ZRSR2: variants seen among roughly 807,000 people sequenced by gnomAD.
ZRSR2 encodes U2 small nuclear ribonucleoprotein auxiliary factor 35 kDa subunit-related protein 2.
ZRSR2 carries 3 observed loss-of-function variants against 39.4 expected under a neutral mutation model. The ratio of observed to expected loss-of-function variants is 0.08; its 90% confidence interval spans 0.03 to 0.20. ZRSR2 has a LOEUF of 0.20. Among genes scored for constraint, ZRSR2 ranks in the 10% least tolerant of loss-of-function variants. The pLI, the probability that ZRSR2 is intolerant of heterozygous loss-of-function variation, is 1.00. For synonymous variants in ZRSR2, 137 were observed against 136.0 expected, an observed-to-expected ratio of 1.01 and a Z score of -0.05; for missense variants, 256 against 391.5, an observed-to-expected ratio of 0.65 and a Z score of 2.92.
In ZRSR2 at chrX:15,820,082, C is replaced by T. The variant is rs73635835; in HGVS notation, c.828-125C>T. On this transcript the variant is annotated intron_variant, in intron 9 of 10. Transcript: ENST00000307771. ...GCTTGACCATTTTAATGACTCTTCC[C>T]TAGGTACAAAATCAGTGAACTTGGT... 2,638 of 607,387 alleles carry T rather than the reference C, an allele frequency of 4.3e-3. 50 individuals are homozygous for T. The African/African-American group carries it at 0.054, about 12-fold the overall frequency. The allele number at this position is 607,387 out of a possible 1,213,427, so 50.1% of individuals were successfully genotyped here.
chrX:15,790,946 C>T lies in ZRSR2; in HGVS notation c.54C>T (p.Tyr18=). The T allele has an allele frequency of 8.3e-7, 1 of 1,210,867 alleles. No homozygotes were observed. The highest frequency in any genetic ancestry group is 1.1e-6 in the Non-Finnish European group (1 of 894,942). The change falls in exon 2 of 11, where the codon TAC becomes TAT. Residue 18 remains tyrosine (Y), a synonymous_variant. Coordinates refer to ENST00000307771, the MANE Select transcript of ZRSR2 (RefSeq NM_005089.4). ...TFPEKPSHKK[Y]RAALKKEKRK... ...CTTAATCTTCCAGCCACAAAAAGTA[C>T]AGGGCCGCCCTGAAGAAGGAGAAAC...
chrX:15,812,166 TG>T (rs1932896223), intron 7 of ZRSR2, among the ~76,000 whole-genome samples: 1 of 111,352 alleles, frequency 9.0e-6, no homozygotes, highest in Non-Finnish European at 1.9e-5. Flanking sequence ...CCTGACCTTG[TG>T]ATCCGCCCGC....
chrX:15,813,230 C>A (rs1178080801), intron 7 of ZRSR2, among the ~76,000 whole-genome samples: 1 of 112,077 alleles, frequency 8.9e-6, no homozygotes, highest in Non-Finnish European at 1.9e-5. Context: ...TGGGTTTTTG[C>A]AGCAAACTGA....
chrX:15,795,735 G>A (rs139375995), intron 2 of ZRSR2, among the ~76,000 whole-genome samples: 1 of 111,587 alleles, frequency 9.0e-6, no homozygotes, highest in African/African-American at 3.3e-5. Flanking sequence ...GAGTTAGCCT[G>A]TCTCTTTTTG....
At chrX:15,801,316 C>T (rs1355484209) in intron 3 of ZRSR2, 5 of 250,540 alleles carry the variant, frequency 2.0e-5, no homozygotes, top group Admixed American at 4.1e-5. Flanking sequence ...GCAACCTCCA[C>T]CTCCCAGGTT....
At chrX:15,795,367 C>T (rs1301166753) in intron 2 of ZRSR2, among the ~76,000 whole-genome samples, 2 of 110,943 alleles carry the variant, frequency 1.8e-5, no homozygotes, top group Non-Finnish European at 3.8e-5. Context: ...GAGGTTCTTA[C>T]GACCCCCTGG....
intron 2 of ZRSR2, among the ~76,000 whole-genome samples, chrX:15,792,514 G>A (rs1932316644): frequency 8.9e-6 from 1 of 112,404 alleles, no homozygotes; most frequent in Non-Finnish European, 1.9e-5. Flanking sequence ...ATCAGGTAAT[G>A]CTAGGGATGA....
rs1487385841 is a variant in ZRSR2 at position 15,796,783 on chromosome X, CGTTTTT to C, written c.122-3088_122-3083del. ...AGTCAGAGATCATTTTGTTTCAAATCGTTTTTTTTTTTTTTTTTTTTTTTTTTTGAG... is the reference window on the plus strand; with the variant it reads ...AGTCAGAGATCATTTTGTTTCAAATCTTTTTTTTTTTTTTTTTTTTTTGAG... On this transcript the variant is annotated intron_variant, in intron 2 of 10. Transcript: ENST00000307771. 2.0e-3 allele frequency among the ~76,000 whole-genome samples: 89 copies of C among 45,230 alleles called. 1 individual carries two copies. Among genetic ancestry groups the C allele is most frequent in the African/African-American group, 7.3e-3 (85 of 11,677 alleles). 39.3% of individuals were successfully genotyped at this position (45,230 alleles called of 115,157 possible).
In ZRSR2 at chrX:15,822,940, C is replaced by G. The variant is rs61741680; in HGVS notation, c.1147C>G (p.Pro383Ala). Residue 383 changes from proline (P) to alanine (A), a missense_variant, in exon 11 of 11, where the codon CCT becomes GCT. This residue lies in a region of ZRSR2 where 111 missense variants were observed against 116.7 expected (regional missense o/e 0.95). Coordinates refer to ENST00000307771, the MANE Select transcript of ZRSR2 (RefSeq NM_005089.4). The part of the protein sequence containing the change: ...YYSRLRGRRN[P>A]SPDHSYKRNG... ...CAGCAGGCTGCGGGGAAGGAGAAAC[C>G]CTAGTCCAGACCACTCCTACAAAAG... 1.6e-3 allele frequency: 1,892 copies of G among 1,211,095 alleles called. 3 individuals are homozygous for G. The highest frequency in any genetic ancestry group is 2.0e-3 in the Non-Finnish European group (1,763 of 895,493).
At chrX:15,820,728 C>T (rs1463562438) in intron 10 of ZRSR2, among the ~76,000 whole-genome samples, 1 of 112,298 alleles carries the variant, frequency 8.9e-6, no homozygotes, top group Non-Finnish European at 1.9e-5. Context: ...CCATCTTTAT[C>T]CCTAATGAAT....
rs183789961 is a variant in ZRSR2, at chrX:15,813,673, A to G, written c.558-2004A>G. Among the ~76,000 whole-genome samples, 14 of 112,046 alleles carry G rather than the reference A, an allele frequency of 1.2e-4. No individual in the cohort carries two copies. The East Asian group carries it at 3.3e-3, about 27-fold the overall frequency. On this transcript the variant is annotated intron_variant, in intron 7 of 10. Transcript: ENST00000307771. ...CTAGGAATCCCTTGAGCAGAATTTT[A>G]ACCTCATTAAATTAGTTCCTTGTTT...
At chrX:15,800,186 C>CTT (rs752445746) in intron 3 of ZRSR2, among the ~76,000 whole-genome samples, 1,147 of 79,239 alleles carry the variant, frequency 0.014, 28 homozygotes, top group African/African-American at 0.049. Context: ...TTTTTTCTTT[C>CTT]TTTTTTTTTT....
At chrX:15,814,005 A>G (rs1045387089) in intron 7 of ZRSR2, among the ~76,000 whole-genome samples, 3 of 97,839 alleles carry the variant, frequency 3.1e-5, no homozygotes, top group Non-Finnish European at 6.0e-5. Flanking sequence ...TTTCAGGGCC[A>G]TTGTTGTTTT....
intron 6 of ZRSR2, among the ~76,000 whole-genome samples, chrX:15,808,883 A>G (rs750965586): frequency 9.0e-6 from 1 of 110,706 alleles, no homozygotes; most frequent in Non-Finnish European, 1.9e-5. Context: ...GGCCTCCCAA[A>G]GTGCTGGGAT....
intron 2 of ZRSR2, among the ~76,000 whole-genome samples, chrX:15,792,691 A>G (rs1261281020): frequency 2.7e-5 from 3 of 112,397 alleles, no homozygotes; most frequent in Non-Finnish European, 5.6e-5. Context: ...CCTAACATTT[A>G]TGTATTAAAT....
intron 7 of ZRSR2, among the ~76,000 whole-genome samples, chrX:15,810,699 A>T (rs1932866211): frequency 9.2e-6 from 1 of 109,011 alleles, no homozygotes; most frequent in Admixed American, 1.0e-4. Flanking sequence ...TTAAAAAATT[A>T]TGTCCTACCT....
chrX:15,801,541 A>G (rs1224659125), intron 3 of ZRSR2: 2 of 175,992 alleles, frequency 1.1e-5, no homozygotes, highest in Non-Finnish European at 1.1e-5. Context: ...GAAATTTCTT[A>G]ATGTCTCTAA....
At chrX:15,804,249 A>G in intron 5 of ZRSR2, 52 bp downstream of exon 5, 4 of 1,115,238 alleles carry the variant, frequency 3.6e-6, no homozygotes, top group Admixed American at 3.3e-5. Flanking sequence ...AATAATCAGT[A>G]GGCATGTCAG....
intron 5 of ZRSR2, among the ~76,000 whole-genome samples, chrX:15,807,437 G>A (rs998653782): frequency 1.8e-5 from 2 of 108,792 alleles, no homozygotes; most frequent in Admixed American, 2.0e-4. Context: ...TTACAGGCAC[G>A]TGCCACCACA....
Sources: gnomAD v4.1 joint callset for allele counts (sites outside exome capture counted in the v4.1 genomes callset) on GRCh38, gnomAD v4.1.1 for gene constraint, gnomAD v4.1.1 regional missense constraint, MANE v1.5 for transcripts, NCBI Gene and HGNC (gene_info 2026-07-23, HGNC 2026-07-21) for gene names.